GRM2: variants seen among roughly 807,000 people sequenced by gnomAD.
GRM2 encodes metabotropic glutamate receptor 2.
GRM2 carries 35 observed loss-of-function variants against 60.4 expected under a neutral mutation model. That is an observed-to-expected ratio of 0.58 (90% CI 0.44 to 0.77). The LOEUF is 0.77. Among genes scored for constraint, GRM2 ranks in the 30% least tolerant of loss-of-function variants. The pLI is 0.00. For synonymous variants in GRM2, 437 were observed against 484.1 expected, an observed-to-expected ratio of 0.90 and a Z score of 1.28; for missense variants, 925 against 1,199.5, an observed-to-expected ratio of 0.77 and a Z score of 3.38.
Position 51,718,154 on chromosome 3 carries a change from C to G in GRM2, c.*42C>G. The G allele has an allele frequency of 6.6e-7, 1 of 1,526,114 alleles. No homozygotes were observed. The highest frequency in any genetic ancestry group is 1.1e-5 in the South Asian group (1 of 89,476). The allele number at this position is 1,526,114 out of a possible 1,614,324, so 94.5% of individuals were successfully genotyped here. A position where few individuals can be genotyped will look rare whatever the true frequency, so the allele number is the denominator to read the frequency against. ...CCCTGACACAGCTGCTCCTGGGAAC[C>G]TAGTGCAGACCCACGTCCAGGGCCA... On this transcript the variant is annotated 3_prime_UTR_variant, in exon 6 of 6. Coordinates refer to ENST00000395052, the MANE Select transcript of GRM2 (RefSeq NM_000839.5). The surrounding 1 kb of genome is among the most constrained non-coding windows in gnomAD (Gnocchi z 4.2).
intron 3 of GRM2, 94 bp from the exon 4 acceptor site, chr3:51,714,968 T>G (rs1440477661): frequency 8.3e-6 from 6 of 720,522 alleles, no homozygotes; most frequent in South Asian, 5.9e-5. Flanking sequence ...TGGTCTTAGC[T>G]CTGGCATTTG....
At position 51,712,704 on chromosome 3, in the gene GRM2, G is replaced by T; in HGVS notation, c.682G>T (p.Ala228Ser). The change falls in exon 3 of 6, where the codon GCT becomes TCT. Residue 228 changes from alanine to serine, a missense_variant. Ala to Ser is a moderately conservative substitution (Grantham distance 99). Transcript: ENST00000395052. This position sits in a 1 kb window ranked among gnomAD's most constrained non-coding sequence, Gnocchi z 5.3. The stretch of plus-strand genomic sequence containing the variant: ...AGGCATTGAGGCCTTTGAGCTAGAG[G>T]CTCGTGCCCGCAACATCTGTGTGGC... ...ETGIEAFELE[A>S]RARNICVATS... The T allele has an allele frequency of 6.2e-7, 1 of 1,613,828 alleles. No individual in the cohort carries two copies. Among genetic ancestry groups the T allele is most frequent in the Non-Finnish European group, 8.5e-7 (1 of 1,180,032 alleles).
Position 51,715,107 on chromosome 3 carries a change from G to A in GRM2, c.1334G>A (p.Arg445His), listed in dbSNP as rs369993012. Residue 445 changes from arginine to histidine, a missense_variant, in exon 4 of 6, where the codon CGC becomes CAC. Transcript: ENST00000395052. The surrounding 1 kb of genome is among the most constrained non-coding windows in gnomAD (Gnocchi z 9.0). The stretch of plus-strand genomic sequence containing the variant: ...ACCCACAATGAGGTCCGCTTTGACC[G>A]CTTTGGTGATGGTATTGGCCGCTAC... ...ADTHNEVRFD[R>H]FGDGIGRYNI... 2.1e-5 allele frequency: 33 copies of A among 1,592,388 alleles called. No individual in the cohort carries two copies. The highest frequency in any genetic ancestry group is 3.3e-4 in the Middle Eastern group (2 of 5,994).
At chr3:51,714,087 A>C (rs967901688) in intron 3 of GRM2, 14 of 392,334 alleles carry the variant, frequency 3.6e-5, no homozygotes, top group South Asian at 2.2e-4. Context: ...TGGGAGACAA[A>C]GCTTGGAAGC....
chr3:51,718,049 C>A lies in GRM2; in HGVS notation c.2556C>A (p.Ser852=). Residue 852 remains serine (S), a synonymous_variant, in exon 6 of 6, where the codon TCC becomes TCA. Coordinates refer to ENST00000395052, the MANE Select transcript of GRM2 (RefSeq NM_000839.5). This position sits in a 1 kb window ranked among gnomAD's most constrained non-coding sequence, Gnocchi z 4.2. ...ASSSLGQGSG[S]QFVPTVCNGR... ...GCTTCCTTTTCTTAGGGTCTGGCTC[C>A]CAGTTTGTCCCCACTGTTTGCAATG... 1 of 1,614,158 alleles carries A rather than the reference C, an allele frequency of 6.2e-7. No individual in the cohort carries two copies. The highest frequency in any genetic ancestry group is 8.5e-7 in the Non-Finnish European group (1 of 1,180,008).
At position 51,713,846 on chromosome 3, in the gene GRM2, T is replaced by C. The variant is rs1703810932; in HGVS notation, c.1288+536T>C. 2.8e-6 allele frequency: 1 copy of C among 357,872 alleles called. No homozygotes were observed. The highest frequency in any genetic ancestry group is 5.7e-6 in the Non-Finnish European group (1 of 174,738). 22.2% of individuals were successfully genotyped at this position (357,872 alleles called of 1,614,324 possible). A position where few individuals can be genotyped will look rare whatever the true frequency, so the allele number is the denominator to read the frequency against. ...TCACAGGCACAATACAGCCTCCAAC[T>C]CCTGGGCTCAAGCGATCCTTCTGCC... On this transcript the variant is annotated intron_variant, in intron 3 of 5. Transcript: ENST00000395052. This position sits in a 1 kb window ranked among gnomAD's most constrained non-coding sequence, Gnocchi z 4.8.
In GRM2 at chr3:51,713,083, G is replaced by A. The variant is rs772309023; in HGVS notation, c.1061G>A (p.Arg354His). The A allele has an allele frequency of 1.3e-5, 21 of 1,613,026 alleles. No homozygotes were observed. Among genetic ancestry groups the A allele is most frequent in the African/African-American group, 8.0e-5 (6 of 74,950 alleles). ...CGTGAATTCTGGGAGCAGAGGTTCCGCTGCAGCTTCCGGCAGCGAGACTGC... is the reference window on the plus strand; with the variant it reads ...CGTGAATTCTGGGAGCAGAGGTTCCACTGCAGCTTCCGGCAGCGAGACTGC... ...WFREFWEQRF[R>H]CSFRQRDCAA... The change falls in exon 3 of 6, where the codon CGC becomes CAC. Residue 354 changes from arginine (R) to histidine (H), a missense_variant. Arg to His is a conservative substitution (Grantham distance 29). Transcript: ENST00000395052. The surrounding 1 kb of genome is among the most constrained non-coding windows in gnomAD (Gnocchi z 4.8).
chr3:51,715,086 A>C lies in GRM2; in HGVS notation c.1313A>C (p.His438Pro). Residue 438 changes from histidine (H) to proline (P), a missense_variant, in exon 4 of 6, where the codon CAC (histidine) becomes CCC (proline). Coordinates refer to ENST00000395052, the MANE Select transcript of GRM2 (RefSeq NM_000839.5). This position sits in a 1 kb window ranked among gnomAD's most constrained non-coding sequence, Gnocchi z 9.0. ...FDAPFRPADTHNEVRFDRFGD... is the reference protein window; with the variant it reads ...FDAPFRPADTPNEVRFDRFGD... Reference sequence around the variant, plus strand: ...GCCCCCTTTCGCCCAGCTGACACCCACAATGAGGTCCGCTTTGACCGCTTT... The same window carrying C: ...GCCCCCTTTCGCCCAGCTGACACCCCCAATGAGGTCCGCTTTGACCGCTTT... 6.4e-7 allele frequency: 1 copy of C among 1,563,594 alleles called. No individual in the cohort carries two copies. The highest frequency in any genetic ancestry group is 8.7e-7 in the Non-Finnish European group (1 of 1,150,540).
rs1007206033 is a variant in GRM2, at chr3:51,709,402, T to C, written c.419T>C (p.Ile140Thr). 6.4e-7 allele frequency: 1 copy of C among 1,571,600 alleles called. No homozygotes were observed. The highest frequency in any genetic ancestry group is 8.7e-7 in the Non-Finnish European group (1 of 1,149,412). The change falls in exon 2 of 6, where the codon ATT (isoleucine) becomes ACT (threonine). Residue 140 changes from isoleucine to threonine, a missense_variant. Physicochemically the swap from Ile to Thr is moderately conservative, Grantham distance 89. Transcript: ENST00000395052. The stretch of plus-strand genomic sequence containing the variant: ...GCTCCCACTGCCATCACTGGTGTTA[T>C]TGGCGGTTCCTACAGTGATGTCTCC... ...GDAPTAITGV[I>T]GGSYSDVSIQ...
rs139879998 is a variant in GRM2, at chr3:51,717,048, G to T, written c.2365-589G>T. Among the ~76,000 whole-genome samples, 466 of 152,094 alleles carry T rather than the reference G, an allele frequency of 3.1e-3. 3 individuals carry two copies. The highest frequency in any genetic ancestry group is 0.011 in the African/African-American group (449 of 41,462). On this transcript the variant is annotated intron_variant, in intron 4 of 5. Coordinates refer to ENST00000395052, the MANE Select transcript of GRM2 (RefSeq NM_000839.5). The surrounding 1 kb of genome is among the most constrained non-coding windows in gnomAD (Gnocchi z 6.0). ...TCTGACTCAGCCTGCATTTGCATAT[G>T]ATTTGCATTTGCATGCCAATCACAG...
rs1703791932 is a variant in GRM2 at position 51,713,347 on chromosome 3, T to A, written c.1288+37T>A. 1.5e-6 allele frequency: 2 copies of A among 1,369,634 alleles called. No individual in the cohort carries two copies. Among genetic ancestry groups the A allele is most frequent in the Non-Finnish European group, 2.0e-6 (2 of 983,056 alleles). The allele number at this position is 1,369,634 out of a possible 1,614,324, so 84.8% of individuals were successfully genotyped here. A position where few individuals can be genotyped will look rare whatever the true frequency, so the allele number is the denominator to read the frequency against. On this transcript the variant is annotated intron_variant, in intron 3 of 5. Coordinates refer to ENST00000395052, the MANE Select transcript of GRM2 (RefSeq NM_000839.5). The surrounding 1 kb of genome is among the most constrained non-coding windows in gnomAD (Gnocchi z 4.8). ...GGCCAGTGTCCATTGGCCTGCTGGC[T>A]GTCAGAGGATGAGGGGAAGCAGAAC...
At position 51,715,520 on chromosome 3, in the gene GRM2, C is replaced by T; in HGVS notation, c.1747C>T (p.Leu583Phe). ...TIACLGALAT[L>F]FVLGVFVRHN... ...CGCCTGCCTCGGTGCCCTGGCCACCCTCTTTGTGCTGGGTGTCTTTGTGCG... is the reference window on the plus strand; with the variant it reads ...CGCCTGCCTCGGTGCCCTGGCCACCTTCTTTGTGCTGGGTGTCTTTGTGCG... Residue 583 changes from leucine (L) to phenylalanine (F), a missense_variant, in exon 4 of 6, where the codon CTC (leucine) becomes TTC (phenylalanine). Physicochemically the swap from Leu to Phe is conservative, Grantham distance 22 (BLOSUM62 0). Coordinates refer to ENST00000395052, the MANE Select transcript of GRM2 (RefSeq NM_000839.5). The surrounding 1 kb of genome is among the most constrained non-coding windows in gnomAD (Gnocchi z 9.0). 3.1e-6 allele frequency: 5 copies of T among 1,613,514 alleles called. No individual in the cohort carries two copies. The highest frequency in any genetic ancestry group is 1.7e-5 in the Admixed American group (1 of 60,036).
In GRM2 at chr3:51,708,857, C is replaced by T; in HGVS notation, c.-127C>T. 1 of 667,446 alleles carries T rather than the reference C, an allele frequency of 1.5e-6. No homozygotes were observed. 41.3% of individuals were successfully genotyped at this position (667,446 alleles called of 1,614,324 possible). ...TTCTATCTCTCTGCAGGAGCTGGGTCCCTTCGCATCTCTCTTCTTGTCTGT... is the reference window on the plus strand; with the variant it reads ...TTCTATCTCTCTGCAGGAGCTGGGTTCCTTCGCATCTCTCTTCTTGTCTGT... On this transcript the variant is annotated 5_prime_UTR_variant, in exon 2 of 6. Coordinates refer to ENST00000395052, the MANE Select transcript of GRM2 (RefSeq NM_000839.5).
chr3:51,709,116 G>C lies in GRM2; in HGVS notation c.133G>C (p.Gly45Arg), dbSNP rs764610362. ...GCTGTTCCCAGTGCACCAGAAGGGCGGCCCAGCAGAGGACTGTGGTCCTGT... is the reference window on the plus strand; with the variant it reads ...GCTGTTCCCAGTGCACCAGAAGGGCCGCCCAGCAGAGGACTGTGGTCCTGT... The part of the protein sequence containing the change: ...GGLFPVHQKG[G>R]PAEDCGPVNE... The change falls in exon 2 of 6, where the codon GGC becomes CGC. Residue 45 changes from glycine (G) to arginine (R), a missense_variant. By Grantham distance (125) the Gly-to-Arg change is moderately radical (BLOSUM62 -2). Transcript: ENST00000395052. The C allele has an allele frequency of 6.2e-7, 1 of 1,611,622 alleles. No individual in the cohort carries two copies. Among genetic ancestry groups the C allele is most frequent in the African/African-American group, 1.3e-5 (1 of 74,900 alleles).
In GRM2 at chr3:51,717,687, G is replaced by T; in HGVS notation, c.2415G>T (p.Val805=). ...CAGTCAGCCTCAGCGGCTCCGTGGT[G>T]CTTGGCTGCCTCTTTGCGCCCAAGC... ...CVSVSLSGSV[V]LGCLFAPKLH... is the part of the protein sequence containing the mutation. The change falls in exon 5 of 6, where the codon GTG becomes GTT. Residue 805 remains valine, a synonymous_variant. Transcript: ENST00000395052. This position sits in a 1 kb window ranked among gnomAD's most constrained non-coding sequence, Gnocchi z 6.0. The T allele has an allele frequency of 1.9e-6, 3 of 1,614,032 alleles. No individual in the cohort carries two copies. Among genetic ancestry groups the T allele is most frequent in the Non-Finnish European group, 2.5e-6 (3 of 1,180,010 alleles).
Position 51,713,319 on chromosome 3 carries a change from G to C in GRM2, c.1288+9G>C, listed in dbSNP as rs777782372. The C allele has an allele frequency of 1.9e-6, 3 of 1,565,540 alleles. No individual in the cohort carries two copies. The highest frequency in any genetic ancestry group is 2.6e-6 in the Non-Finnish European group (3 of 1,143,984). ...CAACGTCAAGTTTGATGGTAATGGTGTTGGCCAGTGTCCATTGGCCTGCTG... is the reference window on the plus strand; with the variant it reads ...CAACGTCAAGTTTGATGGTAATGGTCTTGGCCAGTGTCCATTGGCCTGCTG... On this transcript the variant is annotated intron_variant, in intron 3 of 5. Transcript: ENST00000395052. This position sits in a 1 kb window ranked among gnomAD's most constrained non-coding sequence, Gnocchi z 4.8.
intron 2 of GRM2, chr3:51,711,410 C>T (rs1011842464): frequency 8.5e-5 from 13 of 152,780 alleles, no homozygotes; most frequent in African/African-American, 3.1e-4. Flanking sequence ...GCATTTATCT[C>T]CAGAAGTCCA....
Position 51,715,901 on chromosome 3 carries a change from G to A in GRM2, c.2128G>A (p.Ala710Thr). Residue 710 changes from alanine (A) to threonine (T), a missense_variant, in exon 4 of 6, where the codon GCC (alanine) becomes ACC (threonine). Coordinates refer to ENST00000395052, the MANE Select transcript of GRM2 (RefSeq NM_000839.5). This position sits in a 1 kb window ranked among gnomAD's most constrained non-coding sequence, Gnocchi z 9.0. The stretch of plus-strand genomic sequence containing the variant: ...GGCACCGGGCACAGGCAAGGAGACA[G>A]CCCCCGAACGGCGGGAGGTGGTGAC... ...VEAPGTGKET[A>T]PERREVVTLR... is the part of the protein sequence containing the mutation. 6.2e-7 allele frequency: 1 copy of A among 1,613,500 alleles called. No individual in the cohort carries two copies.
rs2107111095 is a variant in GRM2 at position 51,713,727 on chromosome 3, TTTTTC to T, written c.1288+426_1288+430del. The T allele has an allele frequency of 4.0e-6, 1 of 251,734 alleles. No homozygotes were observed. The highest frequency in any genetic ancestry group is 7.8e-6 in the Non-Finnish European group (1 of 128,370). 15.6% of individuals were successfully genotyped at this position (251,734 alleles called of 1,614,324 possible). On this transcript the variant is annotated intron_variant, in intron 3 of 5. Transcript: ENST00000395052. The surrounding 1 kb of genome is among the most constrained non-coding windows in gnomAD (Gnocchi z 4.8). ...ACGGAAAATGTCTTTCTGTCTTTCT[TTTTTC>T]TTTTCTTTCTTTTTTCTTTCTTTCT...
Sources: gnomAD v4.1 joint callset for allele counts (sites outside exome capture counted in the v4.1 genomes callset) on GRCh38, gnomAD v4.1.1 for gene constraint, Gnocchi (gnomAD v3.1) non-coding constraint, MANE v1.5 for transcripts, NCBI Gene and HGNC (gene_info 2026-07-23, HGNC 2026-07-21) for gene names.